ZMYND11: variants seen among roughly 807,000 people sequenced by gnomAD.
ZMYND11 encodes the protein zinc finger MYND-type containing 11.
A neutral mutation model predicts 84.9 loss-of-function variants in ZMYND11; 9 were observed. The ratio of observed to expected loss-of-function variants is 0.11; its 90% CI spans 0.06 to 0.18. The LOEUF (loss-of-function observed/expected upper bound fraction) is 0.18, where lower values mean the gene tolerates loss of function less well. Among genes scored for constraint, ZMYND11 ranks in the 10% least tolerant of loss-of-function variants. The probability of loss-of-function intolerance (pLI) is 1.00; values close to 1 mark genes in which losing one functional copy is unlikely to be tolerated. For missense variants in ZMYND11, 409 were observed against 761.0 expected (o/e 0.54, Z 5.44); for synonymous variants, 250 against 244.1 (o/e 1.02, Z -0.23).
chr10:185,286 C>G (rs1269199903), intron 2 of ZMYND11, among the ~76,000 whole-genome samples: 1 of 152,010 alleles, frequency 6.6e-6, no homozygotes, highest in Non-Finnish European at 1.5e-5. Context: ...AGGATTGTAG[C>G]TCTCAGAGAT....
rs1482051405 is a variant in ZMYND11, at chr10:135,595, C to T, written c.-20+36C>T. 1.4e-5 allele frequency: 2 copies of T among 147,558 alleles called. No individual in the cohort carries two copies. The allele number at this position is 147,558 out of a possible 1,614,324, so 9.1% of individuals were successfully genotyped here. On this transcript the variant is annotated intron_variant, in intron 1 of 14. Coordinates refer to ENST00000381604, the MANE Select transcript of ZMYND11 (RefSeq NM_001370100.5). The surrounding 1 kb of genome is among the most constrained non-coding windows in gnomAD (Gnocchi z 5.6). Reference sequence around the variant, plus strand: ...CTCGGCGGCGGGGCGGCGGGGCGGGCGGGGGCGTCCGTGGAGATGGCGCGG... The same window carrying T: ...CTCGGCGGCGGGGCGGCGGGGCGGGTGGGGGCGTCCGTGGAGATGGCGCGG...
chr10:238,598 T>C lies in ZMYND11; in HGVS notation c.610-840T>C, dbSNP rs537110884. On this transcript the variant is annotated intron_variant, in intron 6 of 14. Transcript: ENST00000381604. ...GTCTCGATCTCCTGACCTCGTGATC[T>C]GCCCGCCTCGGCCTCCCAAAGTGCT... Among the ~76,000 whole-genome samples, 132 of 152,234 alleles carry C rather than the reference T, an allele frequency of 8.7e-4. 1 individual carries two copies. In the Middle Eastern group the frequency reaches 0.01, roughly 12 times the overall value.
intron 3 of ZMYND11, chr10:218,643 T>G (rs1273336814): frequency 5.9e-6 from 1 of 170,098 alleles, no homozygotes; most frequent in African/African-American, 2.4e-5. Flanking sequence ...GGCTTCTAAT[T>G]TTGAATTTCA....
At chr10:225,495 C>T (rs1286300358) in intron 4 of ZMYND11, among the ~76,000 whole-genome samples, 5 of 152,176 alleles carry the variant, frequency 3.3e-5, no homozygotes, top group African/African-American at 1.2e-4. Context: ...TATACGCACA[C>T]ACCAGTATGT....
chr10:203,844 T>C (rs967854004), intron 2 of ZMYND11, among the ~76,000 whole-genome samples: 2 of 152,304 alleles, frequency 1.3e-5, no homozygotes, highest in South Asian at 4.2e-4. Flanking sequence ...GCACATCAGT[T>C]ATACAGTGTT....
intron 2 of ZMYND11, among the ~76,000 whole-genome samples, chr10:208,116 C>G (rs1944513986): frequency 6.6e-6 from 1 of 152,198 alleles, no homozygotes. Flanking sequence ...GAAACTGGAT[C>G]CCTTCCTTAC....
intron 1 of ZMYND11, among the ~76,000 whole-genome samples, chr10:147,257 T>C (rs1839110012): frequency 6.6e-6 from 1 of 152,198 alleles, no homozygotes; most frequent in African/African-American, 2.4e-5. Context: ...TCTTGTCAGA[T>C]TACTCTGACT....
At chr10:234,982 ATGTGTG>A (rs60483060) in intron 4 of ZMYND11, among the ~76,000 whole-genome samples, 73 of 148,990 alleles carry the variant, frequency 4.9e-4, no homozygotes, top group Admixed American at 8.7e-4. Context: ...TATTTCGCAA[ATGTGTG>A]TGTGTGTGTG....
Position 135,909 on chromosome 10 carries a change from C to G in ZMYND11, c.-20+350C>G, listed in dbSNP as rs1270980226. On this transcript the variant is annotated intron_variant, in intron 1 of 14. Transcript: ENST00000381604. This position sits in a 1 kb window ranked among gnomAD's most constrained non-coding sequence, Gnocchi z 5.6. ...AAGCCGCGGAGTCGCGTGAGCACCGCCCGCCGGGCCCTGTGCCCCGCTTTC... is the reference window on the plus strand; with the variant it reads ...AAGCCGCGGAGTCGCGTGAGCACCGGCCGCCGGGCCCTGTGCCCCGCTTTC... Among the ~76,000 whole-genome samples the G allele has an allele frequency of 6.6e-6, 1 of 151,542 alleles. No individual in the cohort carries two copies. Among genetic ancestry groups the G allele is most frequent in the Non-Finnish European group, 1.5e-5 (1 of 67,808 alleles).
At chr10:248,258 T>C in intron 12 of ZMYND11, 78 bp from the exon 13 acceptor site, 1 of 1,528,178 alleles carries the variant, frequency 6.5e-7, no homozygotes, top group Non-Finnish European at 8.8e-7. Context: ...CACTGAATTT[T>C]TATCCGAATG....
At chr10:244,787 C>T (rs1321161723) in intron 10 of ZMYND11, among the ~76,000 whole-genome samples, 3 of 152,070 alleles carry the variant, frequency 2.0e-5, no homozygotes, top group African/African-American at 7.2e-5. Context: ...GAGAGCATAC[C>T]CCGTGATAAT....
intron 2 of ZMYND11, among the ~76,000 whole-genome samples, chr10:194,744 T>TG (rs1941332261): frequency 6.6e-6 from 1 of 152,176 alleles, no homozygotes; most frequent in South Asian, 2.1e-4. Context: ...CATTTTTTTA[T>TG]GGAGTTAGTT....
chr10:219,903 A>AT (rs1263388731), intron 3 of ZMYND11, among the ~76,000 whole-genome samples: 1 of 152,110 alleles, frequency 6.6e-6, no homozygotes, highest in Non-Finnish European at 1.5e-5. Context: ...GAAAGTTTAC[A>AT]TTTTTGCAGG....
At chr10:152,264 G>C (rs1031359815) in intron 1 of ZMYND11, among the ~76,000 whole-genome samples, 27 of 152,184 alleles carry the variant, frequency 1.8e-4, no homozygotes, top group African/African-American at 6.5e-4. Context: ...AAAAGACACA[G>C]ACTGGCAAAT....
chr10:225,503 T>C (rs1947966901), intron 4 of ZMYND11, among the ~76,000 whole-genome samples: 1 of 152,078 alleles, frequency 6.6e-6, no homozygotes, highest in African/African-American at 2.4e-5. Context: ...CACACCAGTA[T>C]GTGTGGCTCA....
At chr10:179,329 C>A (rs555322543) in intron 1 of ZMYND11, among the ~76,000 whole-genome samples, 9 of 152,204 alleles carry the variant, frequency 5.9e-5, no homozygotes, top group Admixed American at 1.3e-4. Context: ...TTCAATTCAT[C>A]TGGAATACTA....
chr10:151,153 A>G (rs1840246521), intron 1 of ZMYND11, among the ~76,000 whole-genome samples: 1 of 152,224 alleles, frequency 6.6e-6, no homozygotes, highest in Non-Finnish European at 1.5e-5. Context: ...TCTAAAAATC[A>G]GAGCACCTCT....
intron 3 of ZMYND11, among the ~76,000 whole-genome samples, chr10:213,104 T>C (rs946289264): frequency 6.6e-6 from 1 of 152,166 alleles, no homozygotes; most frequent in African/African-American, 2.4e-5. Flanking sequence ...TTTTAATGTA[T>C]GGCCAGTGCG....
intron 7 of ZMYND11, 93 bp downstream of exon 7, chr10:239,618 GAATT>G (rs969412197): frequency 1.1e-5 from 10 of 879,394 alleles, no homozygotes; most frequent in African/African-American, 1.7e-5. Context: ...TACTTTCAAA[GAATT>G]AATACCTTAA....
Sources: allele counts gnomAD v4.1 joint callset (sites outside exome capture counted in the v4.1 genomes callset), GRCh38; gene constraint gnomAD v4.1.1; non-coding constraint Gnocchi (gnomAD v3.1); transcripts MANE v1.5; gene names NCBI Gene and HGNC (gene_info 2026-07-23, HGNC 2026-07-21).